The following ARHGAP26 variants were observed in gnomAD, a reference collection of about 807,000 sequenced individuals.
ARHGAP26 encodes Rho GTPase activating protein 26.
A neutral mutation model predicts 104.8 loss-of-function variants in ARHGAP26; 38 were observed. The observed-to-expected ratio is 0.36, with a 90% CI of 0.28 to 0.48. ARHGAP26 has a LOEUF of 0.48. Ranked by LOEUF, ARHGAP26 falls within the 20% of genes least tolerant of loss-of-function variation. ARHGAP26 has a pLI of 0.99. For missense variants in ARHGAP26, 704 were observed against 947.9 expected (o/e 0.74, Z 3.38); for synonymous variants, 341 against 340.0 (o/e 1.00, Z -0.03).
chr5:143,012,576 T>TATATATATATATATATATATA (rs1554195628), intron 11 of ARHGAP26, among the ~76,000 whole-genome samples: 151 of 56,942 alleles, frequency 2.7e-3, no homozygotes, highest in South Asian at 3.9e-3. Flanking sequence ...TATATATATA[T>TATATATATATATATATATATA]TATGATCAGG....
intron 11 of ARHGAP26, among the ~76,000 whole-genome samples, chr5:142,993,028 C>T (rs1370144930): frequency 5.3e-5 from 8 of 152,100 alleles, no homozygotes; most frequent in Non-Finnish European, 2.9e-5. Flanking sequence ...TTCGCCCAGG[C>T]TGGAGTGCAG....
At chr5:142,776,274 C>T (rs916040529) in intron 1 of ARHGAP26, among the ~76,000 whole-genome samples, 15 of 152,178 alleles carry the variant, frequency 9.9e-5, no homozygotes, top group African/African-American at 3.4e-4. Flanking sequence ...CTCCTAGCCA[C>T]TCACTTTTCT....
At chr5:142,811,731 A>T (rs1437168380) in intron 1 of ARHGAP26, among the ~76,000 whole-genome samples, 1 of 152,212 alleles carries the variant, frequency 6.6e-6, no homozygotes, top group East Asian at 1.9e-4. Flanking sequence ...GCTTATTAGC[A>T]CAATGCCTGG....
intron 1 of ARHGAP26, among the ~76,000 whole-genome samples, chr5:142,794,922 G>C (rs1436177501): frequency 2.6e-5 from 4 of 152,112 alleles, no homozygotes; most frequent in Admixed American, 6.5e-5. Flanking sequence ...AGCTTGTTGT[G>C]AATCTGTTGA....
chr5:143,036,722 G>A (rs113584136), intron 12 of ARHGAP26, among the ~76,000 whole-genome samples: 56 of 152,156 alleles, frequency 3.7e-4, no homozygotes, highest in African/African-American at 1.2e-3. Context: ...CTGTAATATG[G>A]GCTAGTGATA....
chr5:143,007,194 GAAAAAAAA>G, intron 11 of ARHGAP26, among the ~76,000 whole-genome samples: 1 of 69,586 alleles, frequency 1.4e-5, no homozygotes, highest in Admixed American at 1.6e-4. Flanking sequence ...CTCTGTCTCC[GAAAAAAAA>G]AAAAAAAAAA....
chr5:143,191,925 A>C (rs1004887669), intron 20 of ARHGAP26, among the ~76,000 whole-genome samples: 18 of 148,480 alleles, frequency 1.2e-4, no homozygotes, highest in African/African-American at 4.5e-4. Flanking sequence ...TGAGAGCTGT[A>C]CCGTTTTATG....
chr5:142,891,066 G>T (rs1345524414), intron 5 of ARHGAP26, among the ~76,000 whole-genome samples: 2 of 151,932 alleles, frequency 1.3e-5, no homozygotes, highest in African/African-American at 2.4e-5. Context: ...GAGGTGTGTG[G>T]GGTGGTTGGG....
At chr5:143,036,074 A>G (rs1444451454) in intron 12 of ARHGAP26, among the ~76,000 whole-genome samples, 1 of 152,158 alleles carries the variant, frequency 6.6e-6, no homozygotes, top group African/African-American at 2.4e-5. Context: ...TTAAAGAAAG[A>G]TTCAGTTTGG....
At chr5:143,037,090 A>C in intron 12 of ARHGAP26, 106 bp from the exon 13 acceptor site, 1 of 663,868 alleles carries the variant, frequency 1.5e-6, no homozygotes, top group Non-Finnish European at 2.5e-6. Flanking sequence ...AACTAAAAGG[A>C]TATGTGACCA....
At chr5:143,132,353 T>C (rs114082682) in intron 18 of ARHGAP26, among the ~76,000 whole-genome samples, 2,302 of 151,086 alleles carry the variant, frequency 0.015, 18 homozygotes, top group Middle Eastern at 0.027. Context: ...GACTGATGTG[T>C]CTAGGGCCAC....
At chr5:143,120,838 T>A in intron 17 of ARHGAP26, 150 bp from the exon 18 acceptor site, 2 of 618,932 alleles carry the variant, frequency 3.2e-6, no homozygotes, top group Non-Finnish European at 5.2e-6. Context: ...TGGTAGATTT[T>A]CTGACTCCTG....
At chr5:142,885,504 C>T in intron 5 of ARHGAP26, 105 bp downstream of exon 5, 1 of 969,960 alleles carries the variant, frequency 1.0e-6, no homozygotes, top group Non-Finnish European at 1.5e-6. Context: ...TTAGAAGGGA[C>T]CTGGGAAGCC....
intron 20 of ARHGAP26, among the ~76,000 whole-genome samples, chr5:143,178,216 T>C (rs1043422495): frequency 7.9e-5 from 12 of 151,912 alleles, no homozygotes; most frequent in Admixed American, 4.6e-4. Context: ...GCCAGGCTGG[T>C]CTCAAACTCC....
At chr5:143,173,535 G>A (rs1803072344) in intron 20 of ARHGAP26, among the ~76,000 whole-genome samples, 6 of 152,296 alleles carry the variant, frequency 3.9e-5, no homozygotes, top group East Asian at 1.9e-4. Context: ...CAACATTTCC[G>A]AATTCAGGCA....
At chr5:143,104,114 G>A (rs1793661825) in intron 17 of ARHGAP26, among the ~76,000 whole-genome samples, 1 of 151,760 alleles carries the variant, frequency 6.6e-6, no homozygotes, top group East Asian at 1.9e-4. Context: ...GCACCAAAAG[G>A]AAAAATAAAG....
chr5:142,806,028 A>G (rs1286385365), intron 1 of ARHGAP26, among the ~76,000 whole-genome samples: 7 of 152,254 alleles, frequency 4.6e-5, no homozygotes, highest in East Asian at 1.9e-4. Flanking sequence ...CTAAATTTAT[A>G]TAATGCAAAG....
chr5:142,901,343 ATATTT>A (rs1760301232), intron 6 of ARHGAP26, among the ~76,000 whole-genome samples: 1 of 152,230 alleles, frequency 6.6e-6, no homozygotes, highest in African/African-American at 2.4e-5. Context: ...GAATATGGAA[ATATTT>A]TAATAAAGGA....
intron 20 of ARHGAP26, chr5:143,165,006 C>A (rs750358385): frequency 9.2e-5 from 14 of 152,184 alleles, no homozygotes; most frequent in African/African-American, 3.4e-4. Context: ...TGCTTTACTT[C>A]GGATTCATAT....
Sources: gnomAD v4.1 joint callset for allele counts (sites outside exome capture counted in the v4.1 genomes callset) on GRCh38, gnomAD v4.1.1 for gene constraint, MANE v1.5 for transcripts, NCBI Gene and HGNC (gene_info 2026-07-23, HGNC 2026-07-21) for gene names.